TPCN2: variants seen among roughly 807,000 people sequenced by gnomAD.
TPCN2 encodes two pore channel protein 2.
In TPCN2, 92 loss-of-function variants were observed where a neutral mutation model predicts 111.4. The observed-to-expected ratio is 0.83, with a 90% CI of 0.70 to 0.98. The LOEUF (loss-of-function observed/expected upper bound fraction) is 0.98. TPCN2 is among the 50% of genes least tolerant of loss of function. The pLI is 0.00. For synonymous variants in TPCN2, 405 were observed against 414.5 expected, an observed-to-expected ratio of 0.98 and a Z score of 0.28; for missense variants, 995 against 980.1, an observed-to-expected ratio of 1.02 and a Z score of -0.20.
intron 17 of TPCN2, among the ~76,000 whole-genome samples, chr11:69,080,149 G>A (rs1255888591): frequency 6.6e-6 from 1 of 152,192 alleles, no homozygotes; most frequent in East Asian, 1.9e-4. Flanking sequence ...ATGCCCTCCC[G>A]GGCGGCAGTG....
At chr11:69,087,360 C>G (rs1856328906) in intron 24 of TPCN2, among the ~76,000 whole-genome samples, 154 bp downstream of exon 24, 1 of 152,194 alleles carries the variant, frequency 6.6e-6, no homozygotes, top group African/African-American at 2.4e-5. Flanking sequence ...AGGAGAGCAG[C>G]TCAGAGCCGG....
At chr11:69,082,796 C>T (rs7118492) in intron 18 of TPCN2, among the ~76,000 whole-genome samples, 1,077 of 32,812 alleles carry the variant, frequency 0.033, 176 homozygotes, top group African/African-American at 0.06. Flanking sequence ...CATGTGAACT[C>T]GTGCCCGTGT....
intron 11 of TPCN2, among the ~76,000 whole-genome samples, chr11:69,072,377 G>T (rs951062990): frequency 1.3e-5 from 2 of 152,132 alleles, no homozygotes; most frequent in Admixed American, 1.3e-4. Context: ...GGAAATGAGG[G>T]CAGAGAGCTT....
At chr11:69,064,085 TAGC>T (rs1252347057) in intron 7 of TPCN2, 118 bp downstream of exon 7, 1 of 969,146 alleles carries the variant, frequency 1.0e-6, no homozygotes, top group Admixed American at 2.0e-5. Flanking sequence ...TGTCCAGTAA[TAGC>T]AGTGGCCCAT....
chr11:69,076,725 GCTGTGTCCCT>G (rs1855775252), intron 13 of TPCN2, among the ~76,000 whole-genome samples: 9 of 13,784 alleles, frequency 6.5e-4, no homozygotes, highest in South Asian at 3.5e-3. Flanking sequence ...CTGCCCTCCT[GCTGTGTCCCT>G]CCACCTGCCC....
Position 69,055,203 on chromosome 11 carries a change from C to A in TPCN2, c.280C>A (p.Leu94Met). The change falls in exon 4 of 25, where the codon CTG becomes ATG. Residue 94 changes from leucine (L) to methionine (M), a missense_variant. Transcript: ENST00000294309. Reference sequence around the variant, plus strand: ...TTTGAGCTTCACCATCTTCTTGATCCTGTTTTTGGCTTTTATCGAGACCCC... The same window carrying A: ...TTTGAGCTTCACCATCTTCTTGATCATGTTTTTGGCTTTTATCGAGACCCC... The part of the protein sequence containing the change: ...RTLSFTIFLI[L>M]FLAFIETPSS... 2 of 1,614,204 alleles carry A rather than the reference C, an allele frequency of 1.2e-6. No individual in the cohort carries two copies. The highest frequency in any genetic ancestry group is 1.7e-6 in the Non-Finnish European group (2 of 1,180,018).
At chr11:69,081,344 T>C in intron 17 of TPCN2, 56 bp from the exon 18 acceptor site, 1 of 1,283,328 alleles carries the variant, frequency 7.8e-7, no homozygotes, top group Non-Finnish European at 1.1e-6. Context: ...TTTCCTTGTC[T>C]CCTCCCTGTG....
intron 7 of TPCN2, among the ~76,000 whole-genome samples, chr11:69,066,598 G>A (rs1006847582): frequency 2.6e-5 from 4 of 152,238 alleles, no homozygotes; most frequent in Admixed American, 6.5e-5. Flanking sequence ...CGGCCTGTGC[G>A]ACAGAGAGTG....
chr11:69,084,635 A>C, intron 19 of TPCN2: 2 of 985,424 alleles, frequency 2.0e-6, no homozygotes, highest in Non-Finnish European at 2.4e-6. Context: ...AAGCCCGGCC[A>C]CACTTCAGGC....
intron 4 of TPCN2, among the ~76,000 whole-genome samples, chr11:69,057,147 G>C (rs1049790826): frequency 4.6e-5 from 7 of 152,218 alleles, no homozygotes; most frequent in Non-Finnish European, 1.0e-4. Flanking sequence ...GGACTTTCTT[G>C]ATGGTGGGAA....
intron 13 of TPCN2, 79 bp downstream of exon 13, chr11:69,073,080 TTC>T: frequency 9.4e-7 from 1 of 1,069,090 alleles, no homozygotes; most frequent in South Asian, 1.3e-5. Flanking sequence ...TGGGGAACTC[TTC>T]TAATGATCAG....
At chr11:69,062,789 A>G (rs1855081256) in intron 5 of TPCN2, 95 bp from the exon 6 acceptor site, 1 of 1,177,452 alleles carries the variant, frequency 8.5e-7, no homozygotes, top group Admixed American at 1.8e-5. Flanking sequence ...CCCCCAGGGC[A>G]CTGGGGTCTC....
At chr11:69,053,182 G>T (rs950031088) in intron 1 of TPCN2, among the ~76,000 whole-genome samples, 7 of 152,242 alleles carry the variant, frequency 4.6e-5, no homozygotes, top group African/African-American at 1.7e-4. Context: ...TCCTAGTCAG[G>T]AGCCACTGCC....
At chr11:69,064,320 C>G (rs974315155) in intron 7 of TPCN2, among the ~76,000 whole-genome samples, 1 of 150,058 alleles carries the variant, frequency 6.7e-6, no homozygotes, top group Non-Finnish European at 1.5e-5. Context: ...CGCCCTTCCC[C>G]GCCAGGCTAT....
rs1279286539 is a variant in TPCN2 at position 69,078,754 on chromosome 11, A to G, written c.1371A>G (p.Ala457=). ...TGCAGGTGTTCCTGGTGCTGGATGCAGATGTGCTGCCTGCTGAGCGTGATG... is the reference window on the plus strand; with the variant it reads ...TGCAGGTGTTCCTGGTGCTGGATGCGGATGTGCTGCCTGCTGAGCGTGATG... ...VSICVFLVLD[A]DVLPAERDDF... is the part of the protein sequence containing the mutation. Residue 457 remains alanine, a synonymous_variant, in exon 15 of 25, where the codon GCA becomes GCG. Transcript: ENST00000294309. The G allele has an allele frequency of 6.2e-7, 1 of 1,613,846 alleles. No homozygotes were observed. Among genetic ancestry groups the G allele is most frequent in the African/African-American group, 1.3e-5 (1 of 74,914 alleles).
intron 3 of TPCN2, 106 bp from the exon 4 acceptor site, chr11:69,055,069 C>A: frequency 8.1e-7 from 1 of 1,240,696 alleles, no homozygotes; most frequent in Non-Finnish European, 1.1e-6. Flanking sequence ...TGTCCACGCT[C>A]AGGCAGCGCC....
At position 69,086,715 on chromosome 11, in the gene TPCN2, G is replaced by A. The variant is rs887142226; in HGVS notation, c.2085+111G>A. 40 of 1,052,934 alleles carry A rather than the reference G, an allele frequency of 3.8e-5. 1 individual carries two copies. The highest frequency in any genetic ancestry group is 4.7e-5 in the African/African-American group (3 of 63,862). The allele number at this position is 1,052,934 out of a possible 1,614,324, so 65.2% of individuals were successfully genotyped here. A position where few individuals can be genotyped will look rare whatever the true frequency, so the allele number is the denominator to read the frequency against. ...TGCCTGGAACTTTGATGGGAGAGTC[G>A]TGCTGGGTTAGGCGGGTCCTGAGTG... On this transcript the variant is annotated intron_variant, in intron 23 of 24. Coordinates refer to ENST00000294309, the MANE Select transcript of TPCN2 (RefSeq NM_139075.4).
At chr11:69,086,754 C>G in intron 23 of TPCN2, 150 bp downstream of exon 23, 1 of 683,058 alleles carries the variant, frequency 1.5e-6, no homozygotes. Context: ...CTGAGCCCCT[C>G]CCGTGGGGCT....
chr11:69,065,932 G>T (rs1855254646), intron 7 of TPCN2, among the ~76,000 whole-genome samples: 1 of 152,172 alleles, frequency 6.6e-6, no homozygotes, highest in South Asian at 2.1e-4. Context: ...CTTGGGCTGG[G>T]CAGGAGGTAC....
Sources: gnomAD v4.1 joint callset for allele counts (sites outside exome capture counted in the v4.1 genomes callset) on GRCh38, gnomAD v4.1.1 for gene constraint, MANE v1.5 for transcripts, NCBI Gene and HGNC (gene_info 2026-07-23, HGNC 2026-07-21) for gene names.